SUGCT: variants seen among roughly 807,000 people sequenced by gnomAD.
The protein encoded by SUGCT is succinyl-CoA:glutarate CoA-transferase.
Under a neutral mutation model 55.0 loss-of-function variants are expected in SUGCT, and 41 were observed. The ratio of observed to expected loss-of-function variants is 0.74; its 90% CI spans 0.58 to 0.97. SUGCT has a LOEUF of 0.97. Among genes scored for constraint, SUGCT ranks in the 50% least tolerant of loss-of-function variants. The pLI, the probability that SUGCT is intolerant of heterozygous loss-of-function variation, is 0.00. For synonymous variants in SUGCT, 187 were observed against 200.4 expected, an observed-to-expected ratio of 0.93 and a Z score of 0.56; for missense variants, 568 against 547.8, an observed-to-expected ratio of 1.04 and a Z score of -0.37.
chr7:40,695,977 G>A (rs1464511172), intron 12 of SUGCT, among the ~76,000 whole-genome samples: 4 of 152,170 alleles, frequency 2.6e-5, no homozygotes, highest in Non-Finnish European at 4.4e-5. Flanking sequence ...AAATGGCAGA[G>A]TTAGTTCTAC....
At chr7:40,276,795 ATGTGTGTG>A (rs754085745) in intron 8 of SUGCT, among the ~76,000 whole-genome samples, 35 of 146,966 alleles carry the variant, frequency 2.4e-4, no homozygotes, top group Admixed American at 1.8e-3. Flanking sequence ...TGGGGTGTGC[ATGTGTGTG>A]TGTGTGTGTG....
At chr7:40,496,471 A>T in intron 12 of SUGCT, 85 bp downstream of exon 12, 2 of 888,946 alleles carry the variant, frequency 2.2e-6, no homozygotes, top group Non-Finnish European at 3.7e-6. Flanking sequence ...TCGCAAGCTT[A>T]AGTCACATGA....
intron 6 of SUGCT, among the ~76,000 whole-genome samples, chr7:40,231,869 G>T (rs529987134): frequency 6.6e-6 from 1 of 152,336 alleles, no homozygotes; most frequent in South Asian, 2.1e-4. Context: ...GGAAGCTGAG[G>T]TGGGAGGATT....
chr7:40,186,709 G>A (rs1785536807), intron 3 of SUGCT, among the ~76,000 whole-genome samples: 1 of 152,196 alleles, frequency 6.6e-6, no homozygotes, highest in Non-Finnish European at 1.5e-5. Context: ...GGGAACCTAA[G>A]TGAGGAAAGT....
intron 13 of SUGCT, among the ~76,000 whole-genome samples, chr7:40,758,542 T>C (rs528064492): frequency 6.6e-6 from 1 of 152,236 alleles, no homozygotes; most frequent in African/African-American, 2.4e-5. Context: ...TCATATCCCA[T>C]TTTTCATATC....
the SUGCT span, among the ~76,000 whole-genome samples, chr7:40,898,316 T>A: frequency 6.6e-6 from 1 of 152,116 alleles, no homozygotes; most frequent in Admixed American, 6.5e-5. Flanking sequence ...TTGCTGCGTT[T>A]AAGAGCCGTA....
intron 11 of SUGCT, among the ~76,000 whole-genome samples, chr7:40,474,674 C>T (rs974400648): frequency 2.0e-5 from 3 of 152,126 alleles, no homozygotes; most frequent in Non-Finnish European, 2.9e-5. Context: ...TCTGTAGCCT[C>T]TACAGCTCTG....
intron 12 of SUGCT, among the ~76,000 whole-genome samples, chr7:40,746,681 A>C (rs915087799): frequency 5.9e-5 from 9 of 152,232 alleles, no homozygotes; most frequent in African/African-American, 1.7e-4. Context: ...CTTCCGTGGA[A>C]AATTTCAATC....
chr7:40,596,341 A>G (rs898868240), intron 12 of SUGCT, among the ~76,000 whole-genome samples: 3 of 152,172 alleles, frequency 2.0e-5, no homozygotes, highest in Admixed American at 6.5e-5. Context: ...CTTGGAAACC[A>G]TATTGGTACT....
the SUGCT span, among the ~76,000 whole-genome samples, chr7:40,912,648 C>A: frequency 6.6e-6 from 1 of 151,684 alleles, no homozygotes; most frequent in Middle Eastern, 3.4e-3. Context: ...TTTTTGTAGT[C>A]AAGATGTGTC....
At chr7:40,390,992 C>G (rs1393485532) in intron 9 of SUGCT, among the ~76,000 whole-genome samples, 1 of 152,182 alleles carries the variant, frequency 6.6e-6, no homozygotes, top group Non-Finnish European at 1.5e-5. Flanking sequence ...CATCTACAAC[C>G]ATCTGTTCTT....
chr7:40,171,963 T>G (rs2150679648), intron 1 of SUGCT, among the ~76,000 whole-genome samples: 1 of 152,306 alleles, frequency 6.6e-6, no homozygotes, highest in South Asian at 2.1e-4. Context: ...CTTGTGTATC[T>G]CTCTTTCTCT....
intron 6 of SUGCT, among the ~76,000 whole-genome samples, chr7:40,234,989 G>A (rs1237913309): frequency 1.3e-5 from 2 of 151,976 alleles, no homozygotes; most frequent in Non-Finnish European, 2.9e-5. Flanking sequence ...TTGAAAGATA[G>A]GCATAGTGGA....
At chr7:41,029,040 T>G in the SUGCT span, among the ~76,000 whole-genome samples, 1 of 152,198 alleles carries the variant, frequency 6.6e-6, no homozygotes, top group East Asian at 1.9e-4. Flanking sequence ...GATAAAAGGA[T>G]GATCAGTTCT....
chr7:40,791,226 G>T (rs1790293664), intron 13 of SUGCT, among the ~76,000 whole-genome samples: 1 of 152,038 alleles, frequency 6.6e-6, no homozygotes, highest in Admixed American at 6.6e-5. Context: ...AAGACCACTG[G>T]ATTAAAATTA....
At chr7:40,919,391 T>G in the SUGCT span, among the ~76,000 whole-genome samples, 1 of 152,240 alleles carries the variant, frequency 6.6e-6, no homozygotes, top group Non-Finnish European at 1.5e-5. Flanking sequence ...TACCTTTGAA[T>G]CAACCATCTT....
chr7:40,654,505 A>G (rs889183543), intron 12 of SUGCT, among the ~76,000 whole-genome samples: 1 of 152,224 alleles, frequency 6.6e-6, no homozygotes, highest in African/African-American at 2.4e-5. Flanking sequence ...TTGGCTTTTT[A>G]TTATTCACAT....
At chr7:40,925,987 A>G in the SUGCT span, among the ~76,000 whole-genome samples, 1 of 151,940 alleles carries the variant, frequency 6.6e-6, no homozygotes, top group African/African-American at 2.4e-5. Context: ...CTAGCTACTT[A>G]GGAGGCCAAG....
At chr7:40,810,444 T>C (rs1283587602) in intron 13 of SUGCT, among the ~76,000 whole-genome samples, 1 of 152,206 alleles carries the variant, frequency 6.6e-6, no homozygotes. Flanking sequence ...TTTTTGACTC[T>C]AATAATAGCC....
Sources: allele counts gnomAD v4.1 joint callset (sites outside exome capture counted in the v4.1 genomes callset), GRCh38; gene constraint gnomAD v4.1.1; transcripts MANE v1.5; gene names NCBI Gene and HGNC (gene_info 2026-07-23, HGNC 2026-07-21).